Variants in SEMA6D observed in about 807,000 individuals in gnomAD.
The protein encoded by SEMA6D is semaphorin 6D.
In SEMA6D, 35 loss-of-function variants were observed where a neutral mutation model predicts 106.6. The ratio of observed to expected loss-of-function variants is 0.33; its 90% CI spans 0.25 to 0.44. The LOEUF (loss-of-function observed/expected upper bound fraction) is 0.44, where lower values mean the gene tolerates loss of function less well. SEMA6D is among the 20% of genes least tolerant of loss of function. The pLI is 1.00. For synonymous variants in SEMA6D, 499 were observed against 487.7 expected (o/e 1.02, Z -0.31); for missense variants, 1,185 against 1,345.9 (o/e 0.88, Z 1.87).
intron 1 of SEMA6D, among the ~76,000 whole-genome samples, chr15:47,200,954 T>C (rs1041101535): frequency 6.6e-6 from 1 of 152,160 alleles, no homozygotes; most frequent in Non-Finnish European, 1.5e-5. Flanking sequence ...TTTCTTTGAG[T>C]GTGCTTTAAG....
At chr15:47,643,843 A>T (rs926425676) in intron 4 of SEMA6D, among the ~76,000 whole-genome samples, 2 of 152,226 alleles carry the variant, frequency 1.3e-5, no homozygotes, top group Non-Finnish European at 2.9e-5. Flanking sequence ...GTGCTATAGA[A>T]CACTAGAATG....
upstream of SEMA6D, among the ~76,000 whole-genome samples, chr15:47,714,168 A>G (rs1168200257): frequency 1.3e-5 from 2 of 152,180 alleles, no homozygotes; most frequent in East Asian, 1.9e-4. Flanking sequence ...ATCCAGACTA[A>G]TATTCCAAAG....
intron 3 of SEMA6D, among the ~76,000 whole-genome samples, chr15:47,558,518 A>C (rs2045980087): frequency 6.6e-6 from 1 of 151,994 alleles, no homozygotes; most frequent in African/African-American, 2.4e-5. Flanking sequence ...AGAATTTGAA[A>C]AATAGTGTGA....
chr15:47,551,214 A>G (rs781023041), intron 3 of SEMA6D, among the ~76,000 whole-genome samples: 52 of 151,812 alleles, frequency 3.4e-4, no homozygotes, highest in Non-Finnish European at 6.2e-4. Flanking sequence ...GATGACCACA[A>G]CTCATGATCT....
In SEMA6D at chr15:47,276,778, G is replaced by A. The variant is rs538912502; in HGVS notation, c.-239+92360G>A. Among the ~76,000 whole-genome samples the A allele has an allele frequency of 1.7e-4, 26 of 152,224 alleles. No individual in the cohort carries two copies. The East Asian group carries it at 1.9e-3, about 11-fold the overall frequency. ...CAAGGAGTAATTTCAACTTATAAGCGTTATTCTTTAGTAAATAATTTTGTA... is the reference window on the plus strand; with the variant it reads ...CAAGGAGTAATTTCAACTTATAAGCATTATTCTTTAGTAAATAATTTTGTA... On this transcript the variant is annotated intron_variant, in intron 1 of 19. Coordinates refer to the SEMA6D transcript ENST00000558014.
chr15:47,388,529 C>T lies in SEMA6D; in HGVS notation c.-238-23864C>T, dbSNP rs76036021. Among the ~76,000 whole-genome samples the T allele has an allele frequency of 8.5e-3, 1,301 of 152,256 alleles. 17 individuals are homozygous for T. The highest frequency in any genetic ancestry group is 0.03 in the African/African-American group (1,252 of 41,550). On this transcript the variant is annotated intron_variant, in intron 1 of 19. Coordinates refer to the SEMA6D transcript ENST00000558014. The stretch of plus-strand genomic sequence containing the variant: ...GTTCAGTGTATTCACGCTGCAGGCA[C>T]TACCCACCTGTTAGTCACTTAGTAG...
intron 1 of SEMA6D, among the ~76,000 whole-genome samples, chr15:47,337,974 C>T (rs2037638642): frequency 6.6e-6 from 1 of 152,190 alleles, no homozygotes; most frequent in Non-Finnish European, 1.5e-5. Flanking sequence ...TTGCCTTTAC[C>T]CCATCTAGAA....
intron 4 of SEMA6D, among the ~76,000 whole-genome samples, chr15:47,663,036 C>A (rs2077958849): frequency 6.6e-6 from 1 of 152,114 alleles, no homozygotes; most frequent in South Asian, 2.1e-4. Flanking sequence ...AACCATATGC[C>A]AGAAGGCATT....
intron 4 of SEMA6D, among the ~76,000 whole-genome samples, chr15:47,694,169 C>A (rs2078651160): frequency 3.3e-5 from 5 of 152,052 alleles, no homozygotes. Flanking sequence ...ACTCTTGGGG[C>A]AGAGTCTAAG....
At chr15:47,668,999 T>G (rs761173830) in intron 4 of SEMA6D, among the ~76,000 whole-genome samples, 1 of 152,222 alleles carries the variant, frequency 6.6e-6, no homozygotes, top group South Asian at 2.1e-4. Flanking sequence ...AATATTATAA[T>G]GAACACCCAT....
chr15:47,211,413 G>C (rs145893616), intron 1 of SEMA6D, among the ~76,000 whole-genome samples: 11 of 152,178 alleles, frequency 7.2e-5, no homozygotes, highest in Admixed American at 2.0e-4. Flanking sequence ...ACAAAATGAG[G>C]ATATATTTTC....
intron 3 of SEMA6D, among the ~76,000 whole-genome samples, chr15:47,510,280 T>A (rs1019267375): frequency 6.6e-6 from 1 of 152,158 alleles, no homozygotes; most frequent in African/African-American, 2.4e-5. Flanking sequence ...GCACCCTCCT[T>A]ATGAGAATCT....
chr15:47,430,382 G>A (rs1007762214), intron 2 of SEMA6D, among the ~76,000 whole-genome samples: 1 of 151,956 alleles, frequency 6.6e-6, no homozygotes, highest in African/African-American at 2.4e-5. Context: ...TTTGCCTTTT[G>A]TCTGTGATCA....
intron 1 of SEMA6D, among the ~76,000 whole-genome samples, chr15:47,312,307 T>C (rs1053055233): frequency 2.0e-5 from 3 of 152,220 alleles, no homozygotes; most frequent in African/African-American, 7.2e-5. Context: ...ACTCTGATAC[T>C]GCCCTTCCTA....
intron 1 of SEMA6D, among the ~76,000 whole-genome samples, chr15:47,357,240 A>G (rs896384306): frequency 1.3e-5 from 2 of 152,110 alleles, no homozygotes; most frequent in African/African-American, 4.8e-5. Flanking sequence ...AGGCTGAGGC[A>G]GGAGAATGGC....
intron 1 of SEMA6D, among the ~76,000 whole-genome samples, chr15:47,265,554 A>G (rs1289786495): frequency 6.6e-6 from 1 of 151,090 alleles, no homozygotes; most frequent in Non-Finnish European, 1.5e-5. Flanking sequence ...TACAATGGCT[A>G]CTTTAAAATC....
chr15:47,731,940 A>G (rs947560331), intron 1 of SEMA6D, among the ~76,000 whole-genome samples: 7 of 152,244 alleles, frequency 4.6e-5, no homozygotes, highest in Admixed American at 3.3e-4. Context: ...TCAACGTCAG[A>G]CAGACGTAGG....
intron 3 of SEMA6D, among the ~76,000 whole-genome samples, chr15:47,542,355 C>T (rs555153103): frequency 6.6e-6 from 1 of 152,304 alleles, no homozygotes; most frequent in African/African-American, 2.4e-5. Flanking sequence ...CAACAAGTCA[C>T]CATCCTTAGG....
At chr15:47,681,862 A>T (rs1210036772) in intron 4 of SEMA6D, among the ~76,000 whole-genome samples, 1 of 152,230 alleles carries the variant, frequency 6.6e-6, no homozygotes, top group African/African-American at 2.4e-5. Flanking sequence ...AGAAGAGATC[A>T]TCATGGGGAT....
Sources: allele counts gnomAD v4.1 joint callset (sites outside exome capture counted in the v4.1 genomes callset), GRCh38; gene constraint gnomAD v4.1.1; transcripts MANE v1.5; gene names NCBI Gene and HGNC (gene_info 2026-07-23, HGNC 2026-07-21).